RFX4: variants seen among roughly 807,000 people sequenced by gnomAD.
The protein encoded by RFX4 is transcription factor RFX4.
In RFX4, 10 loss-of-function variants were observed where a neutral mutation model predicts 95.0. The observed-to-expected ratio is 0.11, with a 90% CI of 0.06 to 0.18. The LOEUF (loss-of-function observed/expected upper bound fraction) is 0.18. Among genes scored for constraint, RFX4 ranks in the 10% least tolerant of loss-of-function variants. The pLI is 1.00. For missense variants in RFX4, 640 were observed against 922.0 expected (o/e 0.69, Z 3.96); for synonymous variants, 321 against 340.7 (o/e 0.94, Z 0.64).
At chr12:106,601,412 C>A in intron 1 of RFX4, 3 of 1,489,004 alleles carry the variant, frequency 2.0e-6, no homozygotes, top group Non-Finnish European at 2.7e-6. Flanking sequence ...GAACTGGGGC[C>A]AGGCCCGCCT....
At position 106,711,506 on chromosome 12, in the gene RFX4, T is replaced by C; in HGVS notation, c.988T>C (p.Cys330Arg). The C allele has an allele frequency of 1.2e-6, 2 of 1,613,850 alleles. No homozygotes were observed. The highest frequency in any genetic ancestry group is 1.7e-6 in the Non-Finnish European group (2 of 1,179,696). Residue 330 changes from cysteine to arginine, a missense_variant, in exon 10 of 18, where the codon TGC (cysteine) becomes CGC (arginine). Cys to Arg is a radical substitution (Grantham distance 180, BLOSUM62 -3). Around this residue, in one of 7 missense-constraint regions of RFX4, gnomAD observed 96 missense variants for 183.7 expected, o/e 0.52. Transcript: ENST00000392842. ...ACGGCAAACATCACTAAATCATCTCTGCCAGGTAGCTGTCCTCCATTATGT... is the reference window on the plus strand; with the variant it reads ...ACGGCAAACATCACTAAATCATCTCCGCCAGGTAGCTGTCCTCCATTATGT... ...LRRQTSLNHL[C>R]QASRTVIHSA...
intron 1 of RFX4, among the ~76,000 whole-genome samples, chr12:106,596,315 C>T (rs1399644370): frequency 6.6e-6 from 1 of 152,180 alleles, no homozygotes; most frequent in Non-Finnish European, 1.5e-5. Context: ...TGCCTGCTGC[C>T]ATCCACGTAA....
At chr12:106,597,884 G>A (rs2039644819) in intron 1 of RFX4, among the ~76,000 whole-genome samples, 1 of 152,192 alleles carries the variant, frequency 6.6e-6, no homozygotes, top group Middle Eastern at 3.4e-3. Flanking sequence ...TGGGATGGGG[G>A]TGCAAAAATA....
intron 4 of RFX4, among the ~76,000 whole-genome samples, chr12:106,671,682 G>A (rs1032424305): frequency 2.6e-5 from 4 of 151,910 alleles, no homozygotes; most frequent in African/African-American, 9.7e-5. Flanking sequence ...TTTGTTTGGA[G>A]ATGGAGTCTC....
chr12:106,617,179 A>C (rs2040088938), intron 2 of RFX4, among the ~76,000 whole-genome samples: 1 of 152,096 alleles, frequency 6.6e-6, no homozygotes, highest in South Asian at 2.1e-4. Flanking sequence ...CAATTTTATT[A>C]GTCTTTTCAA....
At chr12:106,594,657 A>AC (rs1290964726) in intron 1 of RFX4, among the ~76,000 whole-genome samples, 1 of 152,144 alleles carries the variant, frequency 6.6e-6, no homozygotes, top group Non-Finnish European at 1.5e-5. Flanking sequence ...GCAGCCTCGC[A>AC]CAGAGGCCGG....
intron 1 of RFX4, among the ~76,000 whole-genome samples, chr12:106,602,370 C>T (rs1396123901): frequency 6.6e-6 from 1 of 152,174 alleles, no homozygotes; most frequent in African/African-American, 2.4e-5. Flanking sequence ...GCCAAACACA[C>T]TAAGTGCCTT....
chr12:106,737,366 G>A (rs1257361477), intron 15 of RFX4, among the ~76,000 whole-genome samples: 2 of 151,706 alleles, frequency 1.3e-5, no homozygotes, highest in African/African-American at 4.8e-5. Flanking sequence ...TGTGGTCCCT[G>A]CCCCCTGGGA....
intron 8 of RFX4, among the ~76,000 whole-genome samples, chr12:106,707,908 G>C (rs186031190): frequency 6.6e-6 from 1 of 152,202 alleles, no homozygotes; most frequent in Admixed American, 6.5e-5. Context: ...CAAGGCGGGT[G>C]GATCACTTGA....
At chr12:106,613,675 T>G (rs1263517392) in intron 2 of RFX4, among the ~76,000 whole-genome samples, 2 of 152,084 alleles carry the variant, frequency 1.3e-5, no homozygotes, top group African/African-American at 2.4e-5. Context: ...GCATCAATAT[T>G]TATAAGGGAT....
chr12:106,680,823 A>G (rs963024717), intron 4 of RFX4: 2 of 152,242 alleles, frequency 1.3e-5, no homozygotes, highest in Non-Finnish European at 2.9e-5. Flanking sequence ...AGCTATTTAC[A>G]TACATTCACT....
At chr12:106,692,072 G>A (rs1380645478) in intron 7 of RFX4, among the ~76,000 whole-genome samples, 28 of 151,444 alleles carry the variant, frequency 1.8e-4, no homozygotes, top group African/African-American at 5.6e-4. Flanking sequence ...CAGGAGAATC[G>A]CTTGAACCCA....
intron 8 of RFX4, among the ~76,000 whole-genome samples, chr12:106,699,899 T>G (rs987679827): frequency 6.6e-6 from 1 of 151,798 alleles, no homozygotes; most frequent in African/African-American, 2.4e-5. Flanking sequence ...AAATATATGG[T>G]TCAATTAAGA....
intron 2 of RFX4, among the ~76,000 whole-genome samples, chr12:106,637,800 A>G (rs1261977102): frequency 6.6e-6 from 1 of 152,142 alleles, no homozygotes; most frequent in Non-Finnish European, 1.5e-5. Flanking sequence ...GGATCAGCAA[A>G]TCAGGGTCAT....
At chr12:106,696,578 A>G in intron 8 of RFX4, 132 bp downstream of exon 8, 1 of 813,398 alleles carries the variant, frequency 1.2e-6, no homozygotes, top group Non-Finnish European at 1.8e-6. Context: ...TGAACTTTTA[A>G]ATATTAAAGT....
intron 2 of RFX4, among the ~76,000 whole-genome samples, chr12:106,609,300 G>A (rs1235823846): frequency 1.3e-5 from 2 of 152,210 alleles, no homozygotes; most frequent in African/African-American, 4.8e-5. Flanking sequence ...TCAGAAAGCA[G>A]AAATTTCTTC....
intron 13 of RFX4, among the ~76,000 whole-genome samples, chr12:106,731,086 G>T (rs762949806): frequency 1.3e-5 from 2 of 152,148 alleles, no homozygotes; most frequent in Non-Finnish European, 1.5e-5. Context: ...GAGGTGAGAA[G>T]TTTTGGACAT....
chr12:106,662,964 C>T (rs982409147), intron 4 of RFX4, among the ~76,000 whole-genome samples: 2 of 152,142 alleles, frequency 1.3e-5, no homozygotes, highest in Middle Eastern at 3.4e-3. Context: ...ATTACAGTAG[C>T]TTTATTGTAC....
At chr12:106,746,487 T>A (rs1457836555) in intron 15 of RFX4, among the ~76,000 whole-genome samples, 1 of 151,898 alleles carries the variant, frequency 6.6e-6, no homozygotes, top group Non-Finnish European at 1.5e-5. Context: ...AGGGCCATGA[T>A]CATGTCATTG....
Sources: allele counts gnomAD v4.1 joint callset (sites outside exome capture counted in the v4.1 genomes callset), GRCh38; gene constraint gnomAD v4.1.1; regional missense constraint gnomAD v4.1.1; transcripts MANE v1.5; gene names NCBI Gene and HGNC (gene_info 2026-07-23, HGNC 2026-07-21).